ITGB3: variants seen among roughly 807,000 people sequenced by gnomAD.
The protein encoded by ITGB3 is integrin beta-3.
A neutral mutation model predicts 85.8 loss-of-function variants in ITGB3; 48 were observed. That is an observed-to-expected ratio of 0.56 (90% CI 0.44 to 0.71). ITGB3 has a LOEUF of 0.71. ITGB3 is among the 30% of genes least tolerant of loss of function. ITGB3 has a pLI of 0.00. For missense variants in ITGB3, 861 were observed against 1,019.1 expected (o/e 0.84, Z 2.11); for synonymous variants, 363 against 395.6 (o/e 0.92, Z 0.98).
At chr17:47,255,063 C>G (rs1421894337) in intron 1 of ITGB3, among the ~76,000 whole-genome samples, 7 of 152,104 alleles carry the variant, frequency 4.6e-5, no homozygotes, top group African/African-American at 1.7e-4. Context: ...ACTGCAACTT[C>G]TGCCTCCTGG....
At chr17:47,278,033 T>G (rs919179697) in intron 2 of ITGB3, among the ~76,000 whole-genome samples, 2 of 152,240 alleles carry the variant, frequency 1.3e-5, no homozygotes, top group African/African-American at 4.8e-5. Context: ...AGTGCTCCTC[T>G]TCTTGTAAAC....
At chr17:47,303,052 A>AACATG (rs2065173417) in intron 13 of ITGB3, among the ~76,000 whole-genome samples, 1 of 152,222 alleles carries the variant, frequency 6.6e-6, no homozygotes, top group Admixed American at 6.5e-5. Flanking sequence ...GTTCAATACC[A>AACATG]GCCTGGCCAA....
At position 47,284,466 on chromosome 17, in the gene ITGB3, C is replaced by T. The variant is rs281864909; in HGVS notation, c.385C>T (p.Gln129Ter). The T allele has an allele frequency of 6.2e-7, 1 of 1,614,024 alleles. No individual in the cohort carries two copies. The highest frequency in any genetic ancestry group is 8.5e-7 in the Non-Finnish European group (1 of 1,179,990). ...AGATGATTCGAAGAATTTCTCCATC[C>T]AAGTGCGGCAGGTGGAGGATTACCC... is the stretch of plus-strand genomic sequence containing the variant. ...RPDDSKNFSI[Q>*]VRQVEDYPVD... The change falls in exon 4 of 15, where the codon CAA (glutamine) becomes TAA (stop). Residue 129 changes from glutamine (Q) to a stop codon, truncating the protein, a stop_gained. Coordinates refer to ENST00000559488, the MANE Select transcript of ITGB3 (RefSeq NM_000212.3). LOFTEE classifies it high-confidence loss of function.
intron 4 of ITGB3, 29 bp from the exon 5 acceptor site, chr17:47,286,231 T>G (rs1285493912): frequency 1.1e-5 from 17 of 1,613,660 alleles, no homozygotes; most frequent in Non-Finnish European, 1.4e-5. Context: ...TGAAGGTGTC[T>G]GCTTAAATTA....
At position 47,292,245 on chromosome 17, in the gene ITGB3, C is replaced by T. The variant is rs1175362168; in HGVS notation, c.1367C>T (p.Thr456Ile). Residue 456 changes from threonine (T) to isoleucine (I), a missense_variant, in exon 10 of 15, where the codon ACC becomes ATC. Physicochemically the swap from Thr to Ile is moderately conservative, Grantham distance 89. Transcript: ENST00000559488. ...AAGGACAGCCTGATCGTCCAGGTCA[C>T]CTTTGATTGTGACTGTGCCTGCCAG... ...GFKDSLIVQVTFDCDCACQAQ... is the reference protein window; with the variant it reads ...GFKDSLIVQVIFDCDCACQAQ... 2.5e-6 allele frequency: 4 copies of T among 1,614,208 alleles called. No homozygotes were observed. Among genetic ancestry groups the T allele is most frequent in the Non-Finnish European group, 2.5e-6 (3 of 1,180,040 alleles).
intron 2 of ITGB3, among the ~76,000 whole-genome samples, chr17:47,280,738 G>T (rs925827229): frequency 6.6e-6 from 1 of 152,070 alleles, no homozygotes; most frequent in African/African-American, 2.4e-5. Flanking sequence ...TGCTTGAGGG[G>T]GCTGAGGAGG....
chr17:47,289,850 A>G (rs764753857), intron 7 of ITGB3, 74 bp downstream of exon 7: 2 of 1,025,250 alleles, frequency 2.0e-6, no homozygotes, highest in Non-Finnish European at 3.1e-6. Context: ...CTGTGCTAGC[A>G]TTGGATACAG....
chr17:47,303,280 A>C (rs770637816), intron 13 of ITGB3, among the ~76,000 whole-genome samples: 41 of 152,022 alleles, frequency 2.7e-4, no homozygotes, highest in Middle Eastern at 3.2e-3. Flanking sequence ...ACAACAACAA[A>C]AAAAAACGAT....
chr17:47,263,633 G>A (rs1387267668), intron 1 of ITGB3, among the ~76,000 whole-genome samples: 1 of 152,104 alleles, frequency 6.6e-6, no homozygotes, highest in Non-Finnish European at 1.5e-5. Context: ...GGGATTACAG[G>A]TGCGTGCCAC....
rs1420618876 is a variant in ITGB3 at position 47,312,410 on chromosome 17, G to A, written c.*2206G>A. Among the ~76,000 whole-genome samples, 2 of 152,180 alleles carry A rather than the reference G, an allele frequency of 1.3e-5. No individual in the cohort carries two copies. Among genetic ancestry groups the A allele is most frequent in the Non-Finnish European group, 1.5e-5 (1 of 68,034 alleles). On this transcript the variant is annotated 3_prime_UTR_variant, in exon 15 of 15. Coordinates refer to ENST00000559488, the MANE Select transcript of ITGB3 (RefSeq NM_000212.3). ...TATGGTAGAGGGATAAATAGGGGGC[G>A]GGGAGGGATAGTCATGGATCCAAGA... is the stretch of plus-strand genomic sequence containing the variant.
chr17:47,270,345 A>T (rs1467340853), intron 1 of ITGB3, among the ~76,000 whole-genome samples: 3 of 152,220 alleles, frequency 2.0e-5, no homozygotes, highest in African/African-American at 7.2e-5. Flanking sequence ...TGGAAACTCC[A>T]GAAAGGGAGG....
chr17:47,264,159 G>C (rs1164504128), intron 1 of ITGB3, among the ~76,000 whole-genome samples: 1 of 152,218 alleles, frequency 6.6e-6, no homozygotes, highest in African/African-American at 2.4e-5. Context: ...TTTTAGGTTA[G>C]CTCTGGAGGT....
chr17:47,270,776 G>A (rs1377943788), intron 1 of ITGB3, among the ~76,000 whole-genome samples: 2 of 152,222 alleles, frequency 1.3e-5, no homozygotes, highest in East Asian at 1.9e-4. Context: ...GGCCTTTGAA[G>A]TTAGATGGAC....
rs12601299 is a variant in ITGB3, at chr17:47,257,271, G to A, written c.79+3331G>A. 6.8e-4 allele frequency among the ~76,000 whole-genome samples: 104 copies of A among 152,306 alleles called. No individual in the cohort carries two copies. In the East Asian group the frequency reaches 0.014, roughly 21 times the overall value. ...CTTTCCCCCACATATGTGAGAGGGG[G>A]TCCCTCTTATTTCAACTCGTTCCTC... On this transcript the variant is annotated intron_variant, in intron 1 of 14. Transcript: ENST00000559488.
At position 47,311,874 on chromosome 17, in the gene ITGB3, G is replaced by A. The variant is rs2065216460; in HGVS notation, c.*1670G>A. 6.6e-6 allele frequency: 1 copy of A among 152,270 alleles called. No individual in the cohort carries two copies. The highest frequency in any genetic ancestry group is 2.1e-4 in the South Asian group (1 of 4,836). The allele number at this position is 152,270 out of a possible 1,614,324, so 9.4% of individuals were successfully genotyped here. ...GCTAAATAATCTTTAATTAAGGCAA[G>A]TCACTTTCTTCTTCTTAAAGCTGTT... On this transcript the variant is annotated 3_prime_UTR_variant, in exon 15 of 15. Coordinates refer to ENST00000559488, the MANE Select transcript of ITGB3 (RefSeq NM_000212.3).
chr17:47,274,339 G>A (rs1484225937), intron 1 of ITGB3, 80 bp from the exon 2 acceptor site: 8 of 1,246,098 alleles, frequency 6.4e-6, no homozygotes, highest in African/African-American at 1.5e-5. Context: ...CTGGACATTG[G>A]GAAAGTTGGG....
chr17:47,260,754 A>C (rs2143032365), intron 1 of ITGB3, among the ~76,000 whole-genome samples: 1 of 151,784 alleles, frequency 6.6e-6, no homozygotes, highest in South Asian at 2.1e-4. Flanking sequence ...TGCCCTGGGC[A>C]GTTCTTGAAG....
At chr17:47,297,683 C>A (rs141234162) in intron 10 of ITGB3, among the ~76,000 whole-genome samples, 1 of 151,436 alleles carries the variant, frequency 6.6e-6, no homozygotes, top group East Asian at 1.9e-4. Context: ...CACAAGCCCA[C>A]AAGCCTAGGC....
intron 10 of ITGB3, among the ~76,000 whole-genome samples, chr17:47,296,814 C>T (rs2065147641): frequency 6.6e-6 from 1 of 152,142 alleles, no homozygotes; most frequent in African/African-American, 2.4e-5. Context: ...TCACATTTTA[C>T]AAAGAGAATC....
Sources: gnomAD v4.1 joint callset for allele counts (sites outside exome capture counted in the v4.1 genomes callset) on GRCh38, gnomAD v4.1.1 for gene constraint, MANE v1.5 for transcripts, NCBI Gene and HGNC (gene_info 2026-07-23, HGNC 2026-07-21) for gene names.